CCNY: variants seen among roughly 807,000 people sequenced by gnomAD.
CCNY encodes cyclin-Y.
A neutral mutation model predicts 42.8 loss-of-function variants in CCNY; 19 were observed. The observed-to-expected ratio is 0.44, with a 90% CI of 0.31 to 0.65. CCNY has a LOEUF of 0.65. CCNY is among the 30% of genes least tolerant of loss of function. The pLI is 0.07. For missense variants in CCNY, 370 were observed against 437.3 expected (o/e 0.85, Z 1.37); for synonymous variants, 165 against 162.7 (o/e 1.01, Z -0.11).
intron 1 of CCNY, among the ~76,000 whole-genome samples, chr10:35,415,154 G>A (rs1048551501): frequency 3.3e-5 from 5 of 152,216 alleles, no homozygotes; most frequent in East Asian, 3.8e-4. Context: ...GGGGCAGGCC[G>A]TGCACTCAGA....
At chr10:35,247,897 G>A (rs1052618585) in intron 1 of CCNY, among the ~76,000 whole-genome samples, 70 of 120,414 alleles carry the variant, frequency 5.8e-4, no homozygotes, top group East Asian at 7.1e-4. Flanking sequence ...AAAAAGAAAA[G>A]AAAAGAAAGA....
chr10:35,464,577 T>A (rs1386889951), intron 1 of CCNY, among the ~76,000 whole-genome samples: 3 of 151,348 alleles, frequency 2.0e-5, no homozygotes, highest in Non-Finnish European at 2.9e-5. Flanking sequence ...TTTTTTTTTT[T>A]AAATTAACCC....
chr10:35,347,778 G>A (rs988299102), intron 1 of CCNY, among the ~76,000 whole-genome samples: 2 of 151,950 alleles, frequency 1.3e-5, no homozygotes, highest in Non-Finnish European at 2.9e-5. Context: ...TGACTTTCAG[G>A]ATTTTATTGG....
intron 1 of CCNY, among the ~76,000 whole-genome samples, chr10:35,456,869 T>C (rs1839047474): frequency 6.6e-6 from 1 of 152,208 alleles, no homozygotes; most frequent in South Asian, 2.1e-4. Flanking sequence ...ATCAGAGACG[T>C]GGCCTAGAAC....
intron 1 of CCNY, among the ~76,000 whole-genome samples, chr10:35,384,117 TAGC>T (rs745778391): frequency 2.0e-4 from 31 of 152,342 alleles, no homozygotes; most frequent in Non-Finnish European, 3.8e-4. Context: ...CTTCATATTT[TAGC>T]AGAATAGCTA....
intron 1 of CCNY, among the ~76,000 whole-genome samples, chr10:35,375,260 G>T (rs1837027299): frequency 6.6e-6 from 1 of 152,162 alleles, no homozygotes; most frequent in South Asian, 2.1e-4. Flanking sequence ...GGGCTCTAGG[G>T]GAGAATCTAT....
At chr10:35,549,212 C>G (rs1279061804) in intron 7 of CCNY, among the ~76,000 whole-genome samples, 2 of 151,824 alleles carry the variant, frequency 1.3e-5, no homozygotes, top group Non-Finnish European at 2.9e-5. Context: ...ACAACTGCAC[C>G]TGGCAAAATA....
rs1249193601 is a variant in CCNY, at chr10:35,373,954, C to CT, written c.154+36753dup. Among the ~76,000 whole-genome samples the CT allele has an allele frequency of 2.0e-5, 3 of 151,050 alleles. No homozygotes were observed. In the East Asian group the frequency reaches 5.8e-4, roughly 29 times the overall value. ...TTTCTCAAGTGCCCCATACAAATAA[C>CT]TTTTTTCATGTTAATTGCATAGAAG... On this transcript the variant is annotated intron_variant, in intron 1 of 9. Coordinates refer to ENST00000374704, the MANE Select transcript of CCNY (RefSeq NM_145012.6).
At chr10:35,447,101 C>T (rs1424140300) in intron 1 of CCNY, among the ~76,000 whole-genome samples, 1 of 152,140 alleles carries the variant, frequency 6.6e-6, no homozygotes. Flanking sequence ...TACGGTGAAA[C>T]CCCGTCTCTA....
At chr10:35,395,844 C>G (rs1837513134) in intron 1 of CCNY, among the ~76,000 whole-genome samples, 1 of 152,122 alleles carries the variant, frequency 6.6e-6, no homozygotes, top group African/African-American at 2.4e-5. Flanking sequence ...ATCTCTGAGG[C>G]TGGGTTTAGG....
At chr10:35,553,622 G>T (rs1354586648) in intron 8 of CCNY, among the ~76,000 whole-genome samples, 2 of 152,152 alleles carry the variant, frequency 1.3e-5, no homozygotes, top group Non-Finnish European at 2.9e-5. Flanking sequence ...TTACATTTTT[G>T]TTTAGTTTCA....
intron 1 of CCNY, among the ~76,000 whole-genome samples, chr10:35,358,240 A>G (rs1190673300): frequency 7.1e-6 from 1 of 140,902 alleles, no homozygotes; most frequent in African/African-American, 2.7e-5. Context: ...TTTTAAACTC[A>G]TGATTTTTCT....
At chr10:35,501,110 T>C (rs761831760) in intron 2 of CCNY, among the ~76,000 whole-genome samples, 15 of 152,230 alleles carry the variant, frequency 9.9e-5, no homozygotes, top group Non-Finnish European at 2.1e-4. Flanking sequence ...CCTTATATAC[T>C]GTGGAGCTTT....
In CCNY at chr10:35,401,323, C is replaced by A. The variant is rs532808245; in HGVS notation, c.154+64116C>A. ...GCAGGTGTGCTCTTTTGTGATAGTGCTGTCTGTCTGTCTGGTTAAATCAGC... is the reference window on the plus strand; with the variant it reads ...GCAGGTGTGCTCTTTTGTGATAGTGATGTCTGTCTGTCTGGTTAAATCAGC... On this transcript the variant is annotated intron_variant, in intron 1 of 9. Coordinates refer to ENST00000374704, the MANE Select transcript of CCNY (RefSeq NM_145012.6). Among the ~76,000 whole-genome samples, 4 of 152,306 alleles carry A rather than the reference C, an allele frequency of 2.6e-5. No homozygotes were observed. The South Asian group carries it at 8.3e-4, about 32-fold the overall frequency.
chr10:35,348,323 C>G (rs1053436785), intron 1 of CCNY, among the ~76,000 whole-genome samples: 2 of 152,158 alleles, frequency 1.3e-5, no homozygotes, highest in African/African-American at 4.8e-5. Flanking sequence ...CTGGAGGAAG[C>G]CTAGCAACCT....
At chr10:35,475,943 G>A (rs941650081) in intron 1 of CCNY, among the ~76,000 whole-genome samples, 1 of 152,038 alleles carries the variant, frequency 6.6e-6, no homozygotes, top group South Asian at 2.1e-4. Flanking sequence ...GATGGAGGAA[G>A]ATCTGCCAAG....
At chr10:35,513,017 G>C (rs1034449750) in intron 3 of CCNY, among the ~76,000 whole-genome samples, 1 of 151,928 alleles carries the variant, frequency 6.6e-6, no homozygotes, top group Non-Finnish European at 1.5e-5. Flanking sequence ...TTATCTAAGG[G>C]GATAATCTCA....
intron 3 of CCNY, among the ~76,000 whole-genome samples, chr10:35,257,570 T>C (rs577307393): frequency 6.6e-6 from 1 of 152,356 alleles, no homozygotes; most frequent in South Asian, 2.1e-4. Context: ...CTTGGCTCAC[T>C]GTCTTCTGGC....
chr10:35,534,218 G>A (rs922929933), intron 7 of CCNY, among the ~76,000 whole-genome samples: 1 of 152,010 alleles, frequency 6.6e-6, no homozygotes, highest in South Asian at 2.1e-4. Context: ...AGAGAAGGGG[G>A]TTTCACCATG....
Sources: gnomAD v4.1 joint callset for allele counts (sites outside exome capture counted in the v4.1 genomes callset) on GRCh38, gnomAD v4.1.1 for gene constraint, MANE v1.5 for transcripts, NCBI Gene and HGNC (gene_info 2026-07-23, HGNC 2026-07-21) for gene names.